The following TBC1D32 variants were observed in gnomAD, a reference collection of about 807,000 sequenced individuals.
The protein encoded by TBC1D32 is TBC1 domain family member 32.
TBC1D32 carries 151 observed loss-of-function variants against 170.3 expected under a neutral mutation model. That is an observed-to-expected ratio of 0.89 (90% CI 0.78 to 1.01). The LOEUF (loss-of-function observed/expected upper bound fraction) is 1.01, where lower values mean the gene tolerates loss of function less well. Ranked by LOEUF, TBC1D32 falls within the 50% of genes least tolerant of loss-of-function variation. The pLI is 0.00. For missense variants in TBC1D32, 1,464 were observed against 1,457.1 expected (o/e 1.00, Z -0.08); for synonymous variants, 498 against 488.0 (o/e 1.02, Z -0.27).
At chr6:121,288,606 C>T (rs1232557464) in intron 12 of TBC1D32, among the ~76,000 whole-genome samples, 2 of 152,176 alleles carry the variant, frequency 1.3e-5, no homozygotes, top group African/African-American at 2.4e-5. Context: ...CCTTCTAAAA[C>T]TATTCCAATC....
At chr6:121,175,859 TAAAG>T (rs1413651502) in intron 22 of TBC1D32, among the ~76,000 whole-genome samples, 1 of 152,244 alleles carries the variant, frequency 6.6e-6, no homozygotes, top group East Asian at 1.9e-4. Flanking sequence ...AAGAATAAAA[TAAAG>T]AGGCATGCTA....
intron 15 of TBC1D32, among the ~76,000 whole-genome samples, chr6:121,273,031 T>C (rs1335010181): frequency 6.6e-6 from 1 of 151,956 alleles, no homozygotes; most frequent in East Asian, 1.9e-4. Flanking sequence ...ACACTGCATG[T>C]TCTCACTCAT....
At chr6:121,221,366 C>T (rs1265175511) in intron 21 of TBC1D32, among the ~76,000 whole-genome samples, 2 of 152,126 alleles carry the variant, frequency 1.3e-5, no homozygotes, top group Non-Finnish European at 2.9e-5. Context: ...TGTTTTTGTG[C>T]CTGCTAACAT....
intron 24 of TBC1D32, among the ~76,000 whole-genome samples, chr6:121,154,039 C>CCA (rs545672348): frequency 7.7e-6 from 1 of 129,720 alleles, no homozygotes; most frequent in Non-Finnish European, 1.6e-5. Flanking sequence ...CACTAGGGTA[C>CCA]AAAAAAAAAA....
rs559144409 is a variant in TBC1D32, at chr6:121,085,724, A to G, written c.3655-4834T>C. Among the ~76,000 whole-genome samples the G allele has an allele frequency of 1.5e-4, 23 of 152,226 alleles. No individual in the cohort carries two copies. In the South Asian group the frequency reaches 1.7e-3, roughly 11 times the overall value. The stretch of plus-strand genomic sequence containing the variant: ...AGTACCCTAAGTGATTCTTAGGACC[A>G]GAGAGTTTATATAGTGTTTGTAATT... On this transcript the variant is annotated intron_variant, in intron 31 of 31. Transcript: ENST00000398212.
At chr6:121,143,619 T>C (rs1296007549) in intron 24 of TBC1D32, among the ~76,000 whole-genome samples, 2 of 152,102 alleles carry the variant, frequency 1.3e-5, no homozygotes, top group East Asian at 3.9e-4. Flanking sequence ...AACTAACACC[T>C]TACAAAATCT....
chr6:121,282,170 A>G (rs1463028353), intron 13 of TBC1D32, among the ~76,000 whole-genome samples: 6 of 151,638 alleles, frequency 4.0e-5, no homozygotes, highest in African/African-American at 1.4e-4. Flanking sequence ...AAACTTTTAT[A>G]GACACTAGTA....
At chr6:121,205,517 CA>C (rs1474584723) in intron 21 of TBC1D32, among the ~76,000 whole-genome samples, 2 of 152,182 alleles carry the variant, frequency 1.3e-5, no homozygotes, top group Non-Finnish European at 2.9e-5. Context: ...ATAAAATTGC[CA>C]AAAATGTAAA....
In TBC1D32 at chr6:121,087,065, C is replaced by G. The variant is rs144140135; in HGVS notation, c.3654+3788G>C. Reference sequence around the variant, plus strand: ...CATATCTTCAGAGGCTGCCTTCTAGCTCGGTACTAATCCATTAATCACCAC... The same window carrying G: ...CATATCTTCAGAGGCTGCCTTCTAGGTCGGTACTAATCCATTAATCACCAC... On this transcript the variant is annotated intron_variant, in intron 31 of 31. Coordinates refer to ENST00000398212, the MANE Select transcript of TBC1D32 (RefSeq NM_152730.6). Among the ~76,000 whole-genome samples the G allele has an allele frequency of 8.8e-3, 1,346 of 152,294 alleles. 23 individuals carry two copies. Among genetic ancestry groups the G allele is most frequent in the African/African-American group, 0.03 (1,262 of 41,554 alleles).
intron 21 of TBC1D32, among the ~76,000 whole-genome samples, chr6:121,220,729 C>T (rs181581215): frequency 6.4e-4 from 96 of 150,652 alleles, no homozygotes; most frequent in Non-Finnish European, 1.0e-3. Flanking sequence ...CGACCTCTAC[C>T]TCCCAGGTTC....
At chr6:121,273,501 G>GA (rs895294363) in intron 15 of TBC1D32, among the ~76,000 whole-genome samples, 1 of 149,100 alleles carries the variant, frequency 6.7e-6, no homozygotes, top group Admixed American at 6.7e-5. Context: ...GGGGTTGGGG[G>GA]GGTTAGGGAT....
At chr6:121,184,009 G>T (rs1788864460) in intron 22 of TBC1D32, among the ~76,000 whole-genome samples, 3 of 152,008 alleles carry the variant, frequency 2.0e-5, no homozygotes, top group Non-Finnish European at 4.4e-5. Context: ...CTTTACAATA[G>T]TGTATCTGTT....
intron 21 of TBC1D32, among the ~76,000 whole-genome samples, chr6:121,219,543 A>G (rs1387217571): frequency 6.6e-6 from 1 of 152,216 alleles, no homozygotes; most frequent in African/African-American, 2.4e-5. Flanking sequence ...AATCTAAATA[A>G]AACCAATCAT....
At position 121,293,178 on chromosome 6, in the gene TBC1D32, T is replaced by C. The variant is rs773013543; in HGVS notation, c.1232-985A>G. Among the ~76,000 whole-genome samples, 3 of 151,552 alleles carry C rather than the reference T, an allele frequency of 2.0e-5. No homozygotes were observed. In the East Asian group the frequency reaches 5.8e-4, roughly 29 times the overall value. The stretch of plus-strand genomic sequence containing the variant: ...GAAGCACCCTGAGGTCTTTAGTAGA[T>C]AGAGAAGAGAGCAAAACCATGAAGG... On this transcript the variant is annotated intron_variant, in intron 11 of 31. Transcript: ENST00000398212.
At chr6:121,143,977 C>T (rs1161961208) in intron 24 of TBC1D32, among the ~76,000 whole-genome samples, 1 of 152,026 alleles carries the variant, frequency 6.6e-6, no homozygotes, top group African/African-American at 2.4e-5. Context: ...TTGACTAAAT[C>T]CCTGTAAAAA....
intron 15 of TBC1D32, among the ~76,000 whole-genome samples, chr6:121,269,669 T>G (rs1801076082): frequency 6.6e-6 from 1 of 152,252 alleles, no homozygotes; most frequent in South Asian, 2.1e-4. Context: ...AATGGGAGAC[T>G]TTAACACCCC....
At chr6:121,311,691 C>A (rs920814503) in intron 3 of TBC1D32, among the ~76,000 whole-genome samples, 1 of 149,660 alleles carries the variant, frequency 6.7e-6, no homozygotes, top group African/African-American at 2.5e-5. Context: ...CATGCCACTG[C>A]ACTCCAGCCT....
chr6:121,105,948 T>C lies in TBC1D32; in HGVS notation c.3465+75A>G, dbSNP rs1024600895. On this transcript the variant is annotated intron_variant, in intron 30 of 31. Transcript: ENST00000398212. ...TTATTAATTTAAAGGTATTTCCTTA[T>C]TTGATGAGAACACAGTTTTATTTGA... 2.9e-6 allele frequency: 4 copies of C among 1,375,294 alleles called. No homozygotes were observed. The Admixed American group carries it at 6.8e-5, about 23-fold the overall frequency. 85.2% of individuals were successfully genotyped at this position (1,375,294 alleles called of 1,614,324 possible). A position where few individuals can be genotyped will look rare whatever the true frequency, so the allele number is the denominator to read the frequency against.
In TBC1D32 at chr6:121,223,351, G is replaced by A; in HGVS notation, c.2366C>T (p.Ser789Phe). 1 of 1,567,540 alleles carries A rather than the reference G, an allele frequency of 6.4e-7. No individual in the cohort carries two copies. Among genetic ancestry groups the A allele is most frequent in the Non-Finnish European group, 8.7e-7 (1 of 1,152,462 alleles). Residue 789 changes from serine (S) to phenylalanine (F), a missense_variant and splice_region_variant, in exon 21 of 32, where the codon TCT becomes TTT. This residue lies in a region of TBC1D32 where 1,363 missense variants were observed against 1,338.1 expected (regional missense o/e 1.02). Transcript: ENST00000398212. ...VDPIDRSCQK[S>F]FLALVNLLSY... ...TAACAAGTTCACCAGTGCTAAAAAA[G>A]ACTAGAGGGAAAGAAAACAGTCATT...
Sources: allele counts gnomAD v4.1 joint callset (sites outside exome capture counted in the v4.1 genomes callset), GRCh38; gene constraint gnomAD v4.1.1; regional missense constraint gnomAD v4.1.1; transcripts MANE v1.5; gene names NCBI Gene and HGNC (gene_info 2026-07-23, HGNC 2026-07-21).